The following TASP1 variants were observed in gnomAD, a reference collection of about 807,000 sequenced individuals.
TASP1 encodes the protein taspase 1.
In TASP1, 16 loss-of-function variants were observed where a neutral mutation model predicts 56.6. The observed-to-expected ratio is 0.28, with a 90% confidence interval of 0.19 to 0.43. The LOEUF is 0.43. TASP1 is among the 20% of genes least tolerant of loss of function. The pLI is 1.00. For missense variants in TASP1, 393 were observed against 511.6 expected (o/e 0.77, Z 2.24); for synonymous variants, 179 against 184.2 (o/e 0.97, Z 0.23).
At chr20:13,187,910 C>T in the TASP1 span, among the ~76,000 whole-genome samples, 11 of 152,028 alleles carry the variant, frequency 7.2e-5, no homozygotes, top group African/African-American at 2.2e-4. Flanking sequence ...AAAATTTATA[C>T]GTTGCCAGTG....
At chr20:13,423,388 C>A (rs1418401198) in intron 12 of TASP1, among the ~76,000 whole-genome samples, 1 of 152,114 alleles carries the variant, frequency 6.6e-6, no homozygotes, top group African/African-American at 2.4e-5. Context: ...ATGTATTGAT[C>A]TCTTCTACTG....
chr20:13,557,604 A>C (rs2046208135), intron 8 of TASP1, among the ~76,000 whole-genome samples: 1 of 123,190 alleles, frequency 8.1e-6, no homozygotes, highest in African/African-American at 3.3e-5. Flanking sequence ...TTTTTGAGAC[A>C]GGGTCTCACT....
the TASP1 span, among the ~76,000 whole-genome samples, chr20:13,253,989 G>A: frequency 1.4e-3 from 217 of 150,350 alleles, 2 homozygotes; most frequent in Middle Eastern, 6.8e-3. Context: ...AGGCCGAGGT[G>A]AGCGGATCAC....
chr20:13,118,201 G>A, the TASP1 span, among the ~76,000 whole-genome samples: 8 of 152,236 alleles, frequency 5.3e-5, no homozygotes, highest in East Asian at 1.5e-3. Flanking sequence ...AGTTATTAGG[G>A]AGGCTGACCC....
chr20:13,157,313 T>C, the TASP1 span, among the ~76,000 whole-genome samples: 1 of 151,284 alleles, frequency 6.6e-6, no homozygotes, highest in Non-Finnish European at 1.5e-5. Context: ...GGCAGGCACC[T>C]GTACTCTCAG....
At chr20:13,451,487 T>A (rs576022691) in intron 11 of TASP1, among the ~76,000 whole-genome samples, 5 of 152,204 alleles carry the variant, frequency 3.3e-5, no homozygotes, top group Non-Finnish European at 7.4e-5. Context: ...TGTGGCAGCT[T>A]CTCCATAAGG....
chr20:13,262,791 G>C, the TASP1 span, among the ~76,000 whole-genome samples: 1 of 152,162 alleles, frequency 6.6e-6, no homozygotes, highest in East Asian at 1.9e-4. Context: ...ACAGGGATGG[G>C]TGGCCCCTCC....
intron 5 of TASP1, 23 bp from the exon 6 acceptor site, chr20:13,581,004 G>A: frequency 1.9e-6 from 2 of 1,076,454 alleles, no homozygotes; most frequent in Non-Finnish European, 1.4e-6. Context: ...AAAAAAAATT[G>A]GCAAAAAAGA....
At chr20:13,591,454 G>A (rs1210424603) in intron 4 of TASP1, among the ~76,000 whole-genome samples, 1 of 152,006 alleles carries the variant, frequency 6.6e-6, no homozygotes, top group African/African-American at 2.4e-5. Flanking sequence ...ACTAAGAGAG[G>A]AAACAAACTA....
chr20:13,628,362 G>A (rs142414877), intron 2 of TASP1, among the ~76,000 whole-genome samples: 151 of 152,320 alleles, frequency 9.9e-4, no homozygotes, highest in Non-Finnish European at 1.9e-3. Context: ...GGAAGATAAT[G>A]GAAGATGTAC....
intron 8 of TASP1, among the ~76,000 whole-genome samples, chr20:13,549,376 G>A (rs1036121187): frequency 6.6e-6 from 1 of 151,868 alleles, no homozygotes. Flanking sequence ...ATTAAGCACT[G>A]GTTATTTCTT....
intron 10 of TASP1, among the ~76,000 whole-genome samples, chr20:13,495,005 T>C (rs765075109): frequency 6.6e-6 from 1 of 151,460 alleles, no homozygotes; most frequent in South Asian, 2.1e-4. Flanking sequence ...AATATGCAGA[T>C]GTCATGTAAA....
At chr20:13,574,590 G>A (rs1309712858) in intron 6 of TASP1, among the ~76,000 whole-genome samples, 5 of 152,016 alleles carry the variant, frequency 3.3e-5, no homozygotes, top group Non-Finnish European at 5.9e-5. Context: ...TGTTCAGGAA[G>A]CTAGAGGAAA....
chr20:13,479,722 G>A (rs568902471), intron 11 of TASP1, among the ~76,000 whole-genome samples: 63 of 152,020 alleles, frequency 4.1e-4, no homozygotes, highest in African/African-American at 1.4e-3. Flanking sequence ...CTCGAACTCC[G>A]TGACCTCATG....
intron 8 of TASP1, among the ~76,000 whole-genome samples, chr20:13,558,745 C>A (rs1466496958): frequency 2.0e-5 from 3 of 152,014 alleles, no homozygotes; most frequent in Non-Finnish European, 2.9e-5. Context: ...TTTCCCTGAT[C>A]ATATTTCAAA....
chr20:13,480,357 T>A (rs1392048424), intron 11 of TASP1, among the ~76,000 whole-genome samples: 1 of 152,208 alleles, frequency 6.6e-6, no homozygotes, highest in Non-Finnish European at 1.5e-5. Context: ...ACATTTTTTA[T>A]TTTTTAAATA....
chr20:13,329,775 A>G, the TASP1 span, among the ~76,000 whole-genome samples: 2 of 151,934 alleles, frequency 1.3e-5, no homozygotes, highest in South Asian at 2.1e-4. Flanking sequence ...TATTTTTGCA[A>G]TTACAACAGT....
the TASP1 span, among the ~76,000 whole-genome samples, chr20:13,274,653 C>A: frequency 6.6e-6 from 1 of 150,514 alleles, no homozygotes. Flanking sequence ...CCACGTCCCG[C>A]CCCCTCTCCA....
At chr20:13,368,764 TC>T in the TASP1 span, 2 of 152,394 alleles carry the variant, frequency 1.3e-5, no homozygotes, top group Middle Eastern at 3.4e-3. Context: ...TGCCTGCCTG[TC>T]CCCTTCCCCA....
Sources: gnomAD v4.1 joint callset for allele counts (sites outside exome capture counted in the v4.1 genomes callset) on GRCh38, gnomAD v4.1.1 for gene constraint, MANE v1.5 for transcripts, NCBI Gene and HGNC (gene_info 2026-07-23, HGNC 2026-07-21) for gene names.